AGPAT3: variants seen among roughly 807,000 people sequenced by gnomAD.
AGPAT3 encodes 1-acyl-sn-glycerol-3-phosphate acyltransferase gamma.
A neutral mutation model predicts 47.3 loss-of-function variants in AGPAT3; 5 were observed. That is an observed-to-expected ratio of 0.11 (90% CI 0.06 to 0.22). The LOEUF is 0.22. AGPAT3 is among the 10% of genes least tolerant of loss of function. The probability of loss-of-function intolerance (pLI) is 1.00; values close to 1 mark genes in which losing one functional copy is unlikely to be tolerated. For missense variants in AGPAT3, 315 were observed against 493.0 expected (o/e 0.64, Z 3.42); for synonymous variants, 212 against 208.3 (o/e 1.02, Z -0.15).
chr21:43,935,910 T>G (rs539729167), intron 2 of AGPAT3, among the ~76,000 whole-genome samples: 2 of 152,284 alleles, frequency 1.3e-5, no homozygotes, highest in South Asian at 2.1e-4. Context: ...CCAGGTGCGC[T>G]AAGCAAACAG....
At chr21:43,912,658 C>T (rs1280738414) in intron 2 of AGPAT3, among the ~76,000 whole-genome samples, 1 of 152,242 alleles carries the variant, frequency 6.6e-6, no homozygotes, top group Non-Finnish European at 1.5e-5. Flanking sequence ...AGTCTAAATG[C>T]AAATCATCCT....
chr21:43,978,606 G>C (rs1389295221), intron 8 of AGPAT3, among the ~76,000 whole-genome samples: 1 of 152,200 alleles, frequency 6.6e-6, no homozygotes, highest in Non-Finnish European at 1.5e-5. Flanking sequence ...ACCACACCTG[G>C]TCCCTTCTTC....
chr21:43,882,231 A>G (rs2085869367), intron 1 of AGPAT3, among the ~76,000 whole-genome samples: 1 of 152,266 alleles, frequency 6.6e-6, no homozygotes, highest in South Asian at 2.1e-4. Flanking sequence ...GTAATGCAGG[A>G]AAATGCTTAG....
At chr21:43,971,321 T>A in intron 6 of AGPAT3, 67 bp from the exon 7 acceptor site, 3 of 1,457,252 alleles carry the variant, frequency 2.1e-6, no homozygotes, top group Non-Finnish European at 2.9e-6. Flanking sequence ...GGAACTTGCT[T>A]TTCCCTCTGG....
intron 2 of AGPAT3, among the ~76,000 whole-genome samples, chr21:43,938,668 C>G (rs150743536): frequency 5.3e-5 from 8 of 152,310 alleles, no homozygotes; most frequent in African/African-American, 1.9e-4. Flanking sequence ...GTAAATGGTG[C>G]GCCTCATATT....
intron 2 of AGPAT3, among the ~76,000 whole-genome samples, chr21:43,941,632 C>T (rs1469056638): frequency 1.3e-5 from 2 of 152,186 alleles, no homozygotes; most frequent in African/African-American, 4.8e-5. Context: ...GCAAGGGGGT[C>T]GGTCATTGGT....
intron 3 of AGPAT3, chr21:43,966,727 A>G (rs578129970): frequency 1.3e-5 from 2 of 152,318 alleles, no homozygotes; most frequent in Non-Finnish European, 2.9e-5. Context: ...AGTGTCCTTT[A>G]TAAATAACTG....
At chr21:43,977,087 A>G (rs2838456) in intron 7 of AGPAT3, among the ~76,000 whole-genome samples, 39,214 of 152,136 alleles carry the variant, frequency 0.26, 5,099 homozygotes, top group Admixed American at 0.32. Context: ...GATTTGTCCA[A>G]TTAGGTAATT....
intron 2 of AGPAT3, among the ~76,000 whole-genome samples, chr21:43,941,743 G>A (rs941787703): frequency 2.0e-5 from 3 of 152,248 alleles, no homozygotes; most frequent in Non-Finnish European, 2.9e-5. Context: ...TGGCCCCAGC[G>A]AGCGGGCGAC....
At chr21:43,949,844 A>G (rs1240246907) in intron 2 of AGPAT3, among the ~76,000 whole-genome samples, 2 of 152,078 alleles carry the variant, frequency 1.3e-5, no homozygotes, top group Non-Finnish European at 2.9e-5. Context: ...GTTCCTGTGG[A>G]GGGGTGGTCT....
At chr21:43,916,817 T>C (rs560602362) in intron 2 of AGPAT3, among the ~76,000 whole-genome samples, 9 of 152,320 alleles carry the variant, frequency 5.9e-5, no homozygotes, top group African/African-American at 1.9e-4. Context: ...GACGCCTGCA[T>C]CTTCCCATGC....
intron 7 of AGPAT3, 132 bp downstream of exon 7, chr21:43,971,622 G>A: frequency 1.3e-6 from 1 of 787,422 alleles, no homozygotes; most frequent in Non-Finnish European, 2.1e-6. Flanking sequence ...CACACGGAAG[G>A]CCTGTCTGCA....
At chr21:43,917,789 T>C (rs1237410588) in intron 2 of AGPAT3, among the ~76,000 whole-genome samples, 1 of 128,372 alleles carries the variant, frequency 7.8e-6, no homozygotes, top group Non-Finnish European at 1.5e-5. Flanking sequence ...TTGTGGGTAT[T>C]GTGGGTATTG....
intron 6 of AGPAT3, 141 bp from the exon 7 acceptor site, chr21:43,971,247 G>T (rs2146794166): frequency 1.4e-6 from 1 of 700,908 alleles, no homozygotes; most frequent in East Asian, 2.5e-5. Flanking sequence ...GTCCTGGTGT[G>T]TTCTCCCCAG....
At chr21:43,879,697 G>T (rs2838425) in intron 1 of AGPAT3, among the ~76,000 whole-genome samples, 17,263 of 152,216 alleles carry the variant, frequency 0.11, 1,937 homozygotes, top group African/African-American at 0.29. Context: ...GACCTGCTGC[G>T]CTGTGTGCGT....
At chr21:43,976,709 A>G (rs755554941) in intron 7 of AGPAT3, among the ~76,000 whole-genome samples, 13 of 152,168 alleles carry the variant, frequency 8.5e-5, no homozygotes, top group Non-Finnish European at 1.8e-4. Flanking sequence ...AATAGCCTGA[A>G]TAGCCTGTTT....
rs995926029 is a variant in AGPAT3 at position 43,952,525 on chromosome 21, T to C, written c.-48-7109T>C. Among the ~76,000 whole-genome samples the C allele has an allele frequency of 6.6e-6, 1 of 152,086 alleles. No homozygotes were observed. The highest frequency in any genetic ancestry group is 2.4e-5 in the African/African-American group (1 of 41,420). ...GCAGAGGCAGCCTCGTGCCTCACCT[T>C]TGCTCCCCTGATCTAAGAAGGTGCA... On this transcript the variant is annotated intron_variant, in intron 2 of 9. Coordinates refer to ENST00000291572, the MANE Select transcript of AGPAT3 (RefSeq NM_020132.5). This position sits in a 1 kb window ranked among gnomAD's most constrained non-coding sequence, Gnocchi z 5.6.
chr21:43,978,012 A>T (rs753302460), intron 7 of AGPAT3, 34 bp from the exon 8 acceptor site: 35 of 1,581,556 alleles, frequency 2.2e-5, no homozygotes, highest in Non-Finnish European at 2.9e-5. Context: ...TCATGTGGTG[A>T]TTCACCCTAC....
At chr21:43,886,255 T>C (rs1036888574) in intron 1 of AGPAT3, among the ~76,000 whole-genome samples, 5 of 152,106 alleles carry the variant, frequency 3.3e-5, no homozygotes, top group African/African-American at 1.2e-4. Flanking sequence ...CTTTTTTTAT[T>C]AAAAAAATTT....
Sources: allele counts gnomAD v4.1 joint callset (sites outside exome capture counted in the v4.1 genomes callset), GRCh38; gene constraint gnomAD v4.1.1; non-coding constraint Gnocchi (gnomAD v3.1); transcripts MANE v1.5; gene names NCBI Gene and HGNC (gene_info 2026-07-23, HGNC 2026-07-21).